IBTK: variants seen among roughly 807,000 people sequenced by gnomAD.
The protein encoded by IBTK is BTK-binding protein.
Under a neutral mutation model 154.9 loss-of-function variants are expected in IBTK, and 83 were observed. The ratio of observed to expected loss-of-function variants is 0.54; its 90% confidence interval spans 0.45 to 0.64. IBTK has a LOEUF of 0.64. Among genes scored for constraint, IBTK ranks in the 30% least tolerant of loss-of-function variants. The pLI, the probability that IBTK is intolerant of heterozygous loss-of-function variation, is 0.00. For synonymous variants in IBTK, 515 were observed against 536.1 expected, an observed-to-expected ratio of 0.96 and a Z score of 0.54; for missense variants, 1,332 against 1,584.6, an observed-to-expected ratio of 0.84 and a Z score of 2.71.
intron 4 of IBTK, among the ~76,000 whole-genome samples, chr6:82,228,755 G>A (rs1022203988): frequency 1.3e-5 from 2 of 151,872 alleles, no homozygotes; most frequent in Non-Finnish European, 2.9e-5. Context: ...CCGAGTAGCT[G>A]GGACTACAGG....
intron 10 of IBTK, among the ~76,000 whole-genome samples, 176 bp from the exon 11 acceptor site, chr6:82,216,426 G>A (rs527446677): frequency 6.6e-6 from 1 of 152,230 alleles, no homozygotes; most frequent in East Asian, 1.9e-4. Context: ...GAATATATTG[G>A]CTGTATTATA....
At chr6:82,246,821 C>T (rs1416174099) in intron 1 of IBTK, among the ~76,000 whole-genome samples, 1 of 152,202 alleles carries the variant, frequency 6.6e-6, no homozygotes, top group African/African-American at 2.4e-5. Flanking sequence ...AACACTACTA[C>T]TCATAAAAGT....
At chr6:82,196,693 A>G (rs1769001168) in intron 21 of IBTK, among the ~76,000 whole-genome samples, 1 of 152,222 alleles carries the variant, frequency 6.6e-6, no homozygotes, top group Non-Finnish European at 1.5e-5. Context: ...CCAATTGTGT[A>G]ATGAACCTGA....
At chr6:82,210,675 A>C (rs1369367225) in intron 16 of IBTK, 139 bp downstream of exon 16, 1 of 309,662 alleles carries the variant, frequency 3.2e-6, no homozygotes, top group African/African-American at 2.2e-5. Context: ...ATAATAAAAA[A>C]TAAATTAAAT....
At chr6:82,236,241 A>G (rs1024620410) in intron 2 of IBTK, among the ~76,000 whole-genome samples, 1 of 152,176 alleles carries the variant, frequency 6.6e-6, no homozygotes, top group Admixed American at 6.5e-5. Flanking sequence ...TAAAAACTTA[A>G]ACAAAGAAGG....
intron 26 of IBTK, chr6:82,175,062 C>T (rs1768061333): frequency 4.2e-5 from 19 of 455,078 alleles, no homozygotes; most frequent in South Asian, 2.3e-4. Context: ...TCAATCTTAA[C>T]TGCTAGACTA....
In IBTK at chr6:82,211,562, A is replaced by G; in HGVS notation, c.2302T>C (p.Cys768Arg). 1 of 1,612,470 alleles carries G rather than the reference A, an allele frequency of 6.2e-7. No homozygotes were observed. Among genetic ancestry groups the G allele is most frequent in the Non-Finnish European group, 8.5e-7 (1 of 1,178,560 alleles). ...TCCACTGATTTCATGGTCACGTCAC[A>G]CAGAAATGAACTGCAAGAAAATGTT... ...KLSQKKCSFL[C>R]DVTMKSVDGK... Residue 768 changes from cysteine (C) to arginine (R), a missense_variant, in exon 14 of 29, where the codon TGT (cysteine) becomes CGT (arginine). Around this residue, in one of 3 missense-constraint regions of IBTK, gnomAD observed 1,134 missense variants for 1,274.7 expected, o/e 0.89. Coordinates refer to ENST00000306270, the MANE Select transcript of IBTK (RefSeq NM_015525.4).
chr6:82,187,672 C>A (rs1035362579), intron 25 of IBTK, among the ~76,000 whole-genome samples: 2 of 152,054 alleles, frequency 1.3e-5, no homozygotes, highest in Admixed American at 6.6e-5. Flanking sequence ...AAGCTGAGAA[C>A]TCTGGAAAGG....
chr6:82,182,839 A>T (rs889925270), intron 25 of IBTK, among the ~76,000 whole-genome samples: 1 of 152,196 alleles, frequency 6.6e-6, no homozygotes, highest in African/African-American at 2.4e-5. Flanking sequence ...CTTTAATATG[A>T]TGAAAGAGGT....
At position 82,246,441 on chromosome 6, in the gene IBTK, C is replaced by CTCTTTTTTTTTTTTTT. The variant is rs780889890; in HGVS notation, c.-358+1120_-358+1121insAAAAAAAAAAAAAAGA. Among the ~76,000 whole-genome samples, 70 of 111,662 alleles carry CTCTTTTTTTTTTTTTT rather than the reference C, an allele frequency of 6.3e-4. 9 individuals carry two copies. Among genetic ancestry groups the CTCTTTTTTTTTTTTTT allele is most frequent in the East Asian group, 1.1e-3 (4 of 3,790 alleles). The allele number at this position is 111,662 out of a possible 152,430, so 73.3% of individuals were successfully genotyped here. A position where few individuals can be genotyped will look rare whatever the true frequency, so the allele number is the denominator to read the frequency against. On this transcript the variant is annotated intron_variant, in intron 1 of 28. Coordinates refer to ENST00000306270, the MANE Select transcript of IBTK (RefSeq NM_015525.4). ...CCCAGACTGCTGGGATTACAGGCATCTTTTTTTTTTTTTTTTTTTTTGAGA... is the reference window on the plus strand; with the variant it reads ...CCCAGACTGCTGGGATTACAGGCATCTCTTTTTTTTTTTTTTTTTTTTTTTTTTTTTTTTTTTGAGA...
intron 26 of IBTK, among the ~76,000 whole-genome samples, chr6:82,178,005 C>A (rs1768180586): frequency 6.6e-6 from 1 of 152,144 alleles, no homozygotes; most frequent in African/African-American, 2.4e-5. Context: ...CCATAATTTG[C>A]AAATTAATGA....
intron 23 of IBTK, 45 bp from the exon 24 acceptor site, chr6:82,191,924 T>A (rs1170255632): frequency 9.0e-6 from 10 of 1,113,480 alleles, no homozygotes; most frequent in African/African-American, 1.6e-5. Context: ...CATTTACCTA[T>A]AAAGCCCAAC....
At chr6:82,237,668 G>GTAGTAGTAA (rs1442983035) in intron 2 of IBTK, among the ~76,000 whole-genome samples, 1 of 149,108 alleles carries the variant, frequency 6.7e-6, no homozygotes, top group African/African-American at 2.5e-5. Flanking sequence ...AGTGGTAGTA[G>GTAGTAGTAA]TAGTAGTAGT....
chr6:82,184,471 G>A (rs1768467460), intron 25 of IBTK, among the ~76,000 whole-genome samples: 1 of 152,222 alleles, frequency 6.6e-6, no homozygotes, highest in Non-Finnish European at 1.5e-5. Flanking sequence ...GAAGATGACT[G>A]ATGAGAAAGG....
chr6:82,243,285 C>G (rs1391924684), intron 1 of IBTK, among the ~76,000 whole-genome samples: 1 of 150,718 alleles, frequency 6.6e-6, no homozygotes, highest in East Asian at 1.9e-4. Flanking sequence ...AAAAAAGGTA[C>G]CAATCGTCAA....
chr6:82,202,960 T>C (rs1769265541), intron 17 of IBTK, among the ~76,000 whole-genome samples: 1 of 152,154 alleles, frequency 6.6e-6, no homozygotes, highest in African/African-American at 2.4e-5. Flanking sequence ...ACCTAACATT[T>C]TCTGAATATT....
Position 82,218,086 on chromosome 6 carries a change from A to C in IBTK, c.1300T>G (p.Tyr434Asp), listed in dbSNP as rs756334568. The change falls in exon 10 of 29, where the codon TAT becomes GAT. Residue 434 changes from tyrosine to aspartate, a missense_variant. Tyr to Asp is a radical substitution (Grantham distance 160). Coordinates refer to ENST00000306270, the MANE Select transcript of IBTK (RefSeq NM_015525.4). ...NSSLKQCRWAYPRQVFISDIA... is the reference protein window; with the variant it reads ...NSSLKQCRWADPRQVFISDIA... ...TCAGAAATGAAGACCTGACGTGGAT[A>C]GGCCCATCGACACTGCTTCAGAGAA... 12 of 1,606,736 alleles carry C rather than the reference A, an allele frequency of 7.5e-6. No individual in the cohort carries two copies.
At chr6:82,241,239 T>C (rs974328789) in intron 1 of IBTK, among the ~76,000 whole-genome samples, 27 of 152,172 alleles carry the variant, frequency 1.8e-4, no homozygotes, top group African/African-American at 6.5e-4. Flanking sequence ...TTCTATGCTG[T>C]ATTTTTACAC....
intron 17 of IBTK, 124 bp downstream of exon 17, chr6:82,204,733 G>T: frequency 8.8e-6 from 4 of 453,402 alleles, no homozygotes; most frequent in South Asian, 7.3e-5. Context: ...ACATATTTTG[G>T]CAGGTTTTCG....
Sources: gnomAD v4.1 joint callset for allele counts (sites outside exome capture counted in the v4.1 genomes callset) on GRCh38, gnomAD v4.1.1 for gene constraint, gnomAD v4.1.1 regional missense constraint, MANE v1.5 for transcripts, NCBI Gene and HGNC (gene_info 2026-07-23, HGNC 2026-07-21) for gene names.